The following SPIRE1 variants were observed in gnomAD, a reference collection of about 807,000 sequenced individuals.
The protein encoded by SPIRE1 is spire type actin nucleation factor 1, also known as protein spire homolog 1.
SPIRE1 carries 40 observed loss-of-function variants against 94.1 expected under a neutral mutation model. The observed-to-expected ratio is 0.43, with a 90% confidence interval of 0.33 to 0.55. The LOEUF (loss-of-function observed/expected upper bound fraction) is 0.55, where lower values mean the gene tolerates loss of function less well. Among genes scored for constraint, SPIRE1 ranks in the 20% least tolerant of loss-of-function variants. SPIRE1 has a pLI of 0.06. For synonymous variants in SPIRE1, 376 were observed against 371.7 expected (o/e 1.01, Z -0.13); for missense variants, 838 against 975.2 (o/e 0.86, Z 1.87).
intron 9 of SPIRE1, among the ~76,000 whole-genome samples, chr18:12,482,403 A>G (rs1005606854): frequency 2.0e-5 from 3 of 152,140 alleles, no homozygotes; most frequent in African/African-American, 7.2e-5. Context: ...TCAGCCTCCC[A>G]AAGTGCTGGG....
intron 5 of SPIRE1, among the ~76,000 whole-genome samples, chr18:12,510,547 CTTT>C (rs555228447): frequency 7.6e-5 from 11 of 144,012 alleles, no homozygotes; most frequent in African/African-American, 2.5e-4. Flanking sequence ...CAACAATCTT[CTTT>C]TTTTTTTTTT....
chr18:12,535,490 T>G lies in SPIRE1; in HGVS notation c.715A>C (p.Lys239Gln), dbSNP rs778685964. Residue 239 changes from lysine to glutamine, a missense_variant, in exon 4 of 17, where the codon AAG becomes CAG. By Grantham distance (53) the Lys-to-Gln change is moderately conservative. This residue lies in a region of SPIRE1 where 645 missense variants were observed against 804.7 expected (regional missense o/e 0.80). Coordinates refer to ENST00000409402, the MANE Select transcript of SPIRE1 (RefSeq NM_001128626.2). ...GTAGTACTCACCTCTTTCGCACTCT[T>G]AATTTTGGTCAGAAATGTATGGAGC... ...MELHTFLTKI[K>Q]SAKENLKKIQ... 6.2e-7 allele frequency: 1 copy of G among 1,612,956 alleles called. No individual in the cohort carries two copies. Among genetic ancestry groups the G allele is most frequent in the South Asian group, 1.1e-5 (1 of 91,056 alleles).
intron 11 of SPIRE1, among the ~76,000 whole-genome samples, chr18:12,463,924 T>G (rs1463683039): frequency 6.6e-6 from 1 of 152,244 alleles, no homozygotes; most frequent in African/African-American, 2.4e-5. Context: ...ATTGTCCTTC[T>G]CTGCCTAGTA....
chr18:12,586,547 A>G (rs1192264624), intron 2 of SPIRE1, among the ~76,000 whole-genome samples: 5 of 152,218 alleles, frequency 3.3e-5, no homozygotes, highest in African/African-American at 9.6e-5. Context: ...TCTCTCAGTC[A>G]TGGCATCTGC....
intron 1 of SPIRE1, among the ~76,000 whole-genome samples, chr18:12,642,935 T>C (rs1598575979): frequency 6.6e-6 from 1 of 152,028 alleles, no homozygotes. Context: ...AGTAAAATTT[T>C]AAAAAAGAAG....
At chr18:12,520,640 C>T (rs1239945554) in intron 4 of SPIRE1, among the ~76,000 whole-genome samples, 1 of 152,126 alleles carries the variant, frequency 6.6e-6, no homozygotes, top group African/African-American at 2.4e-5. Flanking sequence ...CTCATTAAAA[C>T]GAACACATGG....
At chr18:12,558,131 C>G (rs980686387) in intron 2 of SPIRE1, among the ~76,000 whole-genome samples, 1 of 152,218 alleles carries the variant, frequency 6.6e-6, no homozygotes, top group African/African-American at 2.4e-5. Flanking sequence ...GCCGCGGACC[C>G]TTGCAGTGTT....
intron 4 of SPIRE1, among the ~76,000 whole-genome samples, chr18:12,522,501 T>C (rs574240842): frequency 1.3e-5 from 2 of 152,340 alleles, no homozygotes; most frequent in Non-Finnish European, 2.9e-5. Flanking sequence ...CAAGAAGATG[T>C]AGCTAACTGA....
chr18:12,600,039 T>C (rs1007582232), intron 2 of SPIRE1, among the ~76,000 whole-genome samples: 1 of 144,428 alleles, frequency 6.9e-6, no homozygotes, highest in Non-Finnish European at 1.5e-5. Flanking sequence ...GGAACCCACA[T>C]GGCAAAGGAA....
chr18:12,542,123 T>C (rs2035032693), intron 3 of SPIRE1, among the ~76,000 whole-genome samples: 1 of 151,986 alleles, frequency 6.6e-6, no homozygotes, highest in Non-Finnish European at 1.5e-5. Context: ...ATTACAGGCA[T>C]GCAGCACCAT....
intron 10 of SPIRE1, among the ~76,000 whole-genome samples, chr18:12,467,925 G>A (rs774347706): frequency 5.8e-4 from 88 of 151,958 alleles, no homozygotes; most frequent in Non-Finnish European, 1.1e-3. Context: ...CTCCAGCCTG[G>A]GCAAGAAGAG....
intron 3 of SPIRE1, among the ~76,000 whole-genome samples, chr18:12,542,991 TA>T (rs2035052447): frequency 6.6e-6 from 1 of 152,120 alleles, no homozygotes; most frequent in Admixed American, 6.5e-5. Flanking sequence ...CATGCCCAGC[TA>T]ATTTTTTGTA....
At chr18:12,490,148 C>A (rs2033181924) in intron 8 of SPIRE1, among the ~76,000 whole-genome samples, 1 of 152,166 alleles carries the variant, frequency 6.6e-6, no homozygotes, top group African/African-American at 2.4e-5. Context: ...AGAACAATAT[C>A]TTTCTGTAAC....
chr18:12,457,362 TCGACATCTCC>T (rs2031558387), intron 12 of SPIRE1, among the ~76,000 whole-genome samples: 1 of 152,230 alleles, frequency 6.6e-6, no homozygotes, highest in African/African-American at 2.4e-5. Flanking sequence ...AAATATTAAT[TCGACATCTCC>T]AAAGCCAAAT....
chr18:12,524,981 G>GA (rs1008022817), intron 4 of SPIRE1, among the ~76,000 whole-genome samples: 69 of 139,436 alleles, frequency 4.9e-4, no homozygotes, highest in South Asian at 9.4e-4. Context: ...CTAGGAAGAA[G>GA]AAAAAAAAAA....
At chr18:12,560,502 A>G (rs113867956) in intron 2 of SPIRE1, among the ~76,000 whole-genome samples, 2,175 of 152,296 alleles carry the variant, frequency 0.014, 45 homozygotes, top group African/African-American at 0.042. Context: ...CAAACTTCAC[A>G]TGTTCTTACT....
chr18:12,515,372 C>T (rs369625560), intron 4 of SPIRE1, among the ~76,000 whole-genome samples: 4 of 151,878 alleles, frequency 2.6e-5, no homozygotes, highest in African/African-American at 9.7e-5. Context: ...AAAAATTAGC[C>T]GGGTGTGGTG....
At chr18:12,591,680 A>G (rs1016468433) in intron 2 of SPIRE1, among the ~76,000 whole-genome samples, 11 of 152,208 alleles carry the variant, frequency 7.2e-5, no homozygotes, top group Admixed American at 5.2e-4. Flanking sequence ...GGTCAGATAT[A>G]GAAAACATTA....
intron 10 of SPIRE1, among the ~76,000 whole-genome samples, chr18:12,476,837 A>G (rs1484844550): frequency 3.3e-5 from 5 of 152,040 alleles, no homozygotes; most frequent in African/African-American, 1.2e-4. Context: ...ACCCTTGTCT[A>G]AGATCATTCA....
Sources: gnomAD v4.1 joint callset for allele counts (sites outside exome capture counted in the v4.1 genomes callset) on GRCh38, gnomAD v4.1.1 for gene constraint, gnomAD v4.1.1 regional missense constraint, MANE v1.5 for transcripts, NCBI Gene and HGNC (gene_info 2026-07-23, HGNC 2026-07-21) for gene names.